Variants in UGGT1 observed in about 807,000 individuals in gnomAD.
UGGT1 encodes the protein UDP-glucose:glycoprotein glucosyltransferase 1.
Under a neutral mutation model 203.9 loss-of-function variants are expected in UGGT1, and 107 were observed. That is an observed-to-expected ratio of 0.52 (90% CI 0.45 to 0.62). The LOEUF (loss-of-function observed/expected upper bound fraction) is 0.62, where lower values mean the gene tolerates loss of function less well. Among genes scored for constraint, UGGT1 ranks in the 20% least tolerant of loss-of-function variants. The pLI is 0.00. For synonymous variants in UGGT1, 628 were observed against 653.5 expected (o/e 0.96, Z 0.59); for missense variants, 1,673 against 1,867.2 (o/e 0.90, Z 1.92).
intron 20 of UGGT1, 143 bp downstream of exon 20, chr2:128,155,730 C>A: frequency 1.8e-6 from 1 of 548,268 alleles, no homozygotes; most frequent in Non-Finnish European, 3.1e-6. Context: ...GAGTCTAGAA[C>A]ATATCTATTT....
chr2:128,177,289 A>T (rs1437631869), intron 32 of UGGT1, among the ~76,000 whole-genome samples: 1 of 152,182 alleles, frequency 6.6e-6, no homozygotes, highest in African/African-American at 2.4e-5. Flanking sequence ...CTGAATGTTG[A>T]AGCTCTTAGT....
intron 38 of UGGT1, among the ~76,000 whole-genome samples, chr2:128,184,031 T>A (rs1691852956): frequency 6.6e-6 from 1 of 151,254 alleles, no homozygotes; most frequent in Non-Finnish European, 1.5e-5. Flanking sequence ...GGGAGAGAGA[T>A]GGAAGGAGAA....
intron 13 of UGGT1, among the ~76,000 whole-genome samples, chr2:128,130,514 G>A (rs927799491): frequency 2.0e-5 from 3 of 152,128 alleles, no homozygotes; most frequent in Admixed American, 6.6e-5. Flanking sequence ...TACTTATAAA[G>A]AGTAAAAGAT....
intron 4 of UGGT1, among the ~76,000 whole-genome samples, chr2:128,108,945 T>C (rs1194328904): frequency 6.6e-5 from 10 of 152,178 alleles, no homozygotes. Context: ...AGTCTCGCCC[T>C]GTCACCCAGG....
At chr2:128,133,796 A>G (rs1424342658) in intron 14 of UGGT1, among the ~76,000 whole-genome samples, 3 of 152,184 alleles carry the variant, frequency 2.0e-5, no homozygotes, top group African/African-American at 7.2e-5. Context: ...CCTAAAATTC[A>G]GCAGTTTAAT....
intron 4 of UGGT1, among the ~76,000 whole-genome samples, chr2:128,108,434 A>G (rs779595316): frequency 2.0e-4 from 31 of 152,166 alleles, no homozygotes; most frequent in Non-Finnish European, 3.2e-4. Flanking sequence ...ACAGGGATGC[A>G]GTCAGGAAAA....
intron 37 of UGGT1, among the ~76,000 whole-genome samples, chr2:128,182,556 G>A (rs899792423): frequency 6.6e-6 from 1 of 152,080 alleles, no homozygotes; most frequent in East Asian, 1.9e-4. Flanking sequence ...AAAATTAGCT[G>A]GGCATGGTGG....
Position 128,186,750 on chromosome 2 carries a change from A to G in UGGT1, c.4427A>G (p.Glu1476Gly). The G allele has an allele frequency of 6.2e-7, 1 of 1,613,830 alleles. No homozygotes were observed. The highest frequency in any genetic ancestry group is 1.1e-5 in the South Asian group (1 of 91,042). The change falls in exon 39 of 41, where the codon GAA becomes GGA. Residue 1476 changes from glutamate (E) to glycine (G), a missense_variant. Glu to Gly is a moderately conservative substitution (Grantham distance 98, BLOSUM62 -2). Transcript: ENST00000259253. ...CTCCCTCAAGAATGGCTTTGGTGTG[A>G]AACGTGGTGTGATGACGCCTCTAAG... ...KSLPQEWLWC[E>G]TWCDDASKKR...
intron 11 of UGGT1, among the ~76,000 whole-genome samples, chr2:128,124,902 T>A (rs1294967109): frequency 6.6e-6 from 1 of 152,184 alleles, no homozygotes. Flanking sequence ...GTGGAGGCCT[T>A]CCTTAGGTGT....
chr2:128,132,565 C>A lies in UGGT1; in HGVS notation c.1378-576C>A, dbSNP rs1179671761. Among the ~76,000 whole-genome samples the A allele has an allele frequency of 2.0e-5, 3 of 151,974 alleles. No homozygotes were observed. The East Asian group carries it at 5.8e-4, about 29-fold the overall frequency. ...CATCTCAAAAACAAAAACAAACAAA[C>A]AAAAAAAATTTCGCTTCTTTCTTTT... is the stretch of plus-strand genomic sequence containing the variant. On this transcript the variant is annotated intron_variant, in intron 13 of 40. Transcript: ENST00000259253.
chr2:128,120,949 T>TG (rs756890280), intron 9 of UGGT1, among the ~76,000 whole-genome samples: 1 of 152,098 alleles, frequency 6.6e-6, no homozygotes, highest in African/African-American at 2.4e-5. Flanking sequence ...CTGTGCTACA[T>TG]GCGTTAGTGT....
chr2:128,104,469 CAAAT>C (rs1031652925), intron 3 of UGGT1, among the ~76,000 whole-genome samples: 1 of 152,172 alleles, frequency 6.6e-6, no homozygotes, highest in Non-Finnish European at 1.5e-5. Flanking sequence ...GTTAAGGTAT[CAAAT>C]GAATGATTAT....
chr2:128,148,923 C>T lies in UGGT1; in HGVS notation c.2016+2956C>T, dbSNP rs574551242. On this transcript the variant is annotated intron_variant, in intron 18 of 40. Coordinates refer to ENST00000259253, the MANE Select transcript of UGGT1 (RefSeq NM_020120.4). ...TGGTTCAGCCCAAATAAAGAGAACC[C>T]CTGAGAATTCTCTAGTGTCCTAGTT... Among the ~76,000 whole-genome samples the T allele has an allele frequency of 8.7e-4, 133 of 152,244 alleles. 2 individuals carry two copies. Among genetic ancestry groups the T allele is most frequent in the South Asian group, 2.1e-3 (10 of 4,830 alleles).
At chr2:128,097,017 T>C (rs1687143345) in intron 1 of UGGT1, among the ~76,000 whole-genome samples, 1 of 152,232 alleles carries the variant, frequency 6.6e-6, no homozygotes, top group South Asian at 2.1e-4. Flanking sequence ...CGCTAACTTA[T>C]GTTATTTTGT....
rs186096806 is a variant in UGGT1, at chr2:128,143,359, C to A, written c.1851+134C>A. 2.0e-5 allele frequency: 21 copies of A among 1,041,240 alleles called. No individual in the cohort carries two copies. In the African/African-American group the frequency reaches 3.3e-4, roughly 16 times the overall value. 64.5% of individuals were successfully genotyped at this position (1,041,240 alleles called of 1,614,324 possible). Reference sequence around the variant, plus strand: ...ACTTAGCATTTAAAAGTTTAGAAACCAGATCACTTTTCAGTGTTTGAAAAA... The same window carrying A: ...ACTTAGCATTTAAAAGTTTAGAAACAAGATCACTTTTCAGTGTTTGAAAAA... On this transcript the variant is annotated intron_variant, in intron 17 of 40. Transcript: ENST00000259253.
At position 128,183,740 on chromosome 2, in the gene UGGT1, A is replaced by T; in HGVS notation, c.4310A>T (p.Gln1437Leu). Residue 1437 changes from glutamine (Q) to leucine (L), a missense_variant, in exon 38 of 41, where the codon CAG (glutamine) becomes CTG (leucine). Physicochemically the swap from Gln to Leu is moderately radical, Grantham distance 113 (BLOSUM62 -2). This residue lies in a region of UGGT1 where 513 missense variants were observed against 684.1 expected (regional missense o/e 0.75). Coordinates refer to ENST00000259253, the MANE Select transcript of UGGT1 (RefSeq NM_020120.4). Reference sequence around the variant, plus strand: ...GCTGCTGGTGACAGACTCAGGGGACAGTACCAAGGTCTGAGTCAGGACCCT... The same window carrying T: ...GCTGCTGGTGACAGACTCAGGGGACTGTACCAAGGTCTGAGTCAGGACCCT... ...KIAAGDRLRG[Q>L]YQGLSQDPNS... The T allele has an allele frequency of 3.1e-6, 5 of 1,614,170 alleles. No individual in the cohort carries two copies. The highest frequency in any genetic ancestry group is 4.2e-6 in the Non-Finnish European group (5 of 1,180,002).
At chr2:128,128,947 C>T in intron 12 of UGGT1, 82 bp from the exon 13 acceptor site, 1 of 1,386,636 alleles carries the variant, frequency 7.2e-7, no homozygotes. Flanking sequence ...TGAGGTTGAA[C>T]TGATACATTT....
chr2:128,194,788 A>G lies in UGGT1; in HGVS notation c.*5046A>G, dbSNP rs1454236575. On this transcript the variant is annotated 3_prime_UTR_variant, in exon 41 of 41. Coordinates refer to ENST00000259253, the MANE Select transcript of UGGT1 (RefSeq NM_020120.4). ...GAATTCAAGCAAATGAGACATCATG[A>G]ACTTCAGTGGTTATTGATATTTCAG... is the stretch of plus-strand genomic sequence containing the variant. 1 of 152,166 alleles carries G rather than the reference A, an allele frequency of 6.6e-6. No individual in the cohort carries two copies. The highest frequency in any genetic ancestry group is 1.5e-5 in the Non-Finnish European group (1 of 68,028). The allele number at this position is 152,166 out of a possible 1,614,324, so 9.4% of individuals were successfully genotyped here. A position where few individuals can be genotyped will look rare whatever the true frequency, so the allele number is the denominator to read the frequency against.
chr2:128,111,878 G>A (rs565957901), intron 5 of UGGT1, among the ~76,000 whole-genome samples: 12 of 151,844 alleles, frequency 7.9e-5, no homozygotes, highest in African/African-American at 2.7e-4. Context: ...GGTGGCTTAC[G>A]CCTGTAATCC....
Sources: gnomAD v4.1 joint callset for allele counts (sites outside exome capture counted in the v4.1 genomes callset) on GRCh38, gnomAD v4.1.1 for gene constraint, gnomAD v4.1.1 regional missense constraint, MANE v1.5 for transcripts, NCBI Gene and HGNC (gene_info 2026-07-23, HGNC 2026-07-21) for gene names.